The following FOXP2 variants were observed in gnomAD, a reference collection of about 807,000 sequenced individuals.
The protein encoded by FOXP2 is forkhead box protein P2.
Under a neutral mutation model 115.8 loss-of-function variants are expected in FOXP2, and 12 were observed. The ratio of observed to expected loss-of-function variants is 0.10; its 90% CI spans 0.07 to 0.17. The LOEUF (loss-of-function observed/expected upper bound fraction) is 0.17, where lower values mean the gene tolerates loss of function less well. Ranked by LOEUF, FOXP2 falls within the 10% of genes least tolerant of loss-of-function variation. FOXP2 has a pLI of 1.00. For synonymous variants in FOXP2, 328 were observed against 297.7 expected, an observed-to-expected ratio of 1.10 and a Z score of -1.05; for missense variants, 629 against 843.5, an observed-to-expected ratio of 0.75 and a Z score of 3.15.
chr7:114,221,610 T>C (rs1184244545), intron 1 of FOXP2, among the ~76,000 whole-genome samples: 1 of 152,202 alleles, frequency 6.6e-6, no homozygotes, highest in Non-Finnish European at 1.5e-5. Flanking sequence ...TCCTCCATAC[T>C]GCACTTAGGG....
At chr7:114,425,040 A>G (rs1292055594) in intron 1 of FOXP2, among the ~76,000 whole-genome samples, 1 of 151,518 alleles carries the variant, frequency 6.6e-6, no homozygotes, top group Non-Finnish European at 1.5e-5. Context: ...TTGGCATTCA[A>G]AAATGTCTTT....
intron 2 of FOXP2, among the ~76,000 whole-genome samples, chr7:114,439,354 C>A (rs1794497358): frequency 6.6e-6 from 1 of 152,068 alleles, no homozygotes; most frequent in Non-Finnish European, 1.5e-5. Context: ...CGGTTTGTAT[C>A]TGTAGAGCAG....
At chr7:114,097,526 T>G (rs1799677303) in intron 1 of FOXP2, among the ~76,000 whole-genome samples, 2 of 152,242 alleles carry the variant, frequency 1.3e-5, no homozygotes, top group Admixed American at 1.3e-4. Flanking sequence ...TATTTTTCAT[T>G]CAAGTAAGTT....
intron 16 of FOXP2, among the ~76,000 whole-genome samples, chr7:114,674,284 G>A (rs1307610229): frequency 3.3e-5 from 5 of 152,160 alleles, no homozygotes; most frequent in African/African-American, 1.2e-4. Context: ...AAAGGTGTGG[G>A]AAATTTAGTA....
intron 2 of FOXP2, among the ~76,000 whole-genome samples, chr7:114,327,671 T>G (rs1041703619): frequency 1.3e-5 from 2 of 151,860 alleles, no homozygotes; most frequent in Non-Finnish European, 2.9e-5. Context: ...CCAGCTAATT[T>G]TTGTATTTTT....
chr7:114,173,697 C>G (rs1048508935), intron 1 of FOXP2, among the ~76,000 whole-genome samples: 1 of 151,752 alleles, frequency 6.6e-6, no homozygotes, highest in Non-Finnish European at 1.5e-5. Context: ...CAAGGAATTA[C>G]ATTTTGAACA....
chr7:114,524,945 A>G (rs1370931640), intron 2 of FOXP2, among the ~76,000 whole-genome samples: 1 of 152,172 alleles, frequency 6.6e-6, no homozygotes, highest in African/African-American at 2.4e-5. Context: ...TCATGAAATT[A>G]TATATCCCTT....
intron 2 of FOXP2, among the ~76,000 whole-genome samples, chr7:114,523,208 A>AACTATCAT (rs1798706674): frequency 1.3e-5 from 2 of 152,286 alleles, no homozygotes; most frequent in Admixed American, 6.5e-5. Context: ...AATGATAGGG[A>AACTATCAT]TGAGATCATA....
At chr7:114,637,251 T>C (rs1554436337) in intron 6 of FOXP2, among the ~76,000 whole-genome samples, 2 of 152,190 alleles carry the variant, frequency 1.3e-5, no homozygotes, top group Non-Finnish European at 2.9e-5. Flanking sequence ...GCTCCTGTGG[T>C]AAAAACCTTT....
intron 2 of FOXP2, among the ~76,000 whole-genome samples, chr7:114,449,832 A>G (rs1018902752): frequency 1.3e-5 from 2 of 152,122 alleles, no homozygotes; most frequent in African/African-American, 4.8e-5. Flanking sequence ...AAGTAAACCT[A>G]GATTAACAGA....
chr7:114,550,999 TG>T (rs1800179076), intron 3 of FOXP2, among the ~76,000 whole-genome samples: 1 of 152,202 alleles, frequency 6.6e-6, no homozygotes, highest in Admixed American at 6.5e-5. Flanking sequence ...TCTACCTTTT[TG>T]CTTGATATTC....
chr7:114,595,436 T>C (rs188316819), intron 3 of FOXP2, among the ~76,000 whole-genome samples: 2 of 152,226 alleles, frequency 1.3e-5, no homozygotes. Context: ...CTGAAGATTA[T>C]ATGAAATTGG....
intron 2 of FOXP2, among the ~76,000 whole-genome samples, chr7:114,371,491 A>G (rs1792006286): frequency 6.6e-6 from 1 of 152,292 alleles, no homozygotes; most frequent in South Asian, 2.1e-4. Context: ...AATCTTTTAA[A>G]AAGATAAATA....
chr7:114,560,584 C>G (rs1296565605), intron 3 of FOXP2, among the ~76,000 whole-genome samples: 7 of 152,144 alleles, frequency 4.6e-5, no homozygotes, highest in Admixed American at 4.6e-4. Flanking sequence ...CCACTGCACA[C>G]CAGCCTGGGT....
chr7:114,686,120 C>T (rs762885006), intron 16 of FOXP2, among the ~76,000 whole-genome samples: 7 of 151,388 alleles, frequency 4.6e-5, no homozygotes, highest in Admixed American at 1.3e-4. Context: ...AAATAGTTTA[C>T]AAATAATAAG....
chr7:114,161,500 T>A (rs985681439), upstream of FOXP2, among the ~76,000 whole-genome samples: 6 of 150,824 alleles, frequency 4.0e-5, no homozygotes, highest in Admixed American at 2.0e-4. Flanking sequence ...CTGATATAGA[T>A]GTTTTTTGGC....
At chr7:114,509,225 G>T (rs974419566) in intron 2 of FOXP2, among the ~76,000 whole-genome samples, 2 of 151,976 alleles carry the variant, frequency 1.3e-5, no homozygotes, top group Non-Finnish European at 2.9e-5. Context: ...GTCCTTGGAG[G>T]CCTTAGAAAA....
chr7:114,514,387 T>A (rs1798226109), intron 2 of FOXP2, among the ~76,000 whole-genome samples: 2 of 152,202 alleles, frequency 1.3e-5, no homozygotes, highest in Non-Finnish European at 2.9e-5. Flanking sequence ...ACTGAAATTT[T>A]ATGTCCTTTG....
At chr7:114,155,095 T>C (rs1449465076) in intron 1 of FOXP2, among the ~76,000 whole-genome samples, 1 of 152,178 alleles carries the variant, frequency 6.6e-6, no homozygotes, top group African/African-American at 2.4e-5. Context: ...AATGACTTAG[T>C]ACTCCTGTTT....
Sources: allele counts gnomAD v4.1 joint callset (sites outside exome capture counted in the v4.1 genomes callset), GRCh38; gene constraint gnomAD v4.1.1; transcripts MANE v1.5; gene names NCBI Gene and HGNC (gene_info 2026-07-23, HGNC 2026-07-21).